The following RCC1 variants were observed in gnomAD, a reference collection of about 807,000 sequenced individuals.
The protein encoded by RCC1 is regulator of chromosome condensation 1.
RCC1 carries 11 observed loss-of-function variants against 44.4 expected under a neutral mutation model. The ratio of observed to expected loss-of-function variants is 0.25; its 90% confidence interval spans 0.16 to 0.41. RCC1 has a LOEUF of 0.41. Among genes scored for constraint, RCC1 ranks in the 10% least tolerant of loss-of-function variants. RCC1 has a pLI of 1.00. For synonymous variants in RCC1, 213 were observed against 216.5 expected (o/e 0.98, Z 0.14); for missense variants, 386 against 547.1 (o/e 0.71, Z 2.94).
chr1:28,514,121 C>A (rs1001471138), intron 3 of RCC1, among the ~76,000 whole-genome samples: 2 of 150,034 alleles, frequency 1.3e-5, no homozygotes, highest in African/African-American at 2.5e-5. Context: ...GAGCTGAGAT[C>A]GTGCCAGCCT....
At chr1:28,517,256 AC>A (rs1662951796) in intron 4 of RCC1, among the ~76,000 whole-genome samples, 1 of 152,296 alleles carries the variant, frequency 6.6e-6, no homozygotes, top group African/African-American at 2.4e-5. Flanking sequence ...GTTTCAGGGA[AC>A]ACCTGAAATC....
chr1:28,509,688 G>A (rs1418583267), intron 3 of RCC1: 1 of 152,188 alleles, frequency 6.6e-6, no homozygotes, highest in Non-Finnish European at 1.5e-5. Flanking sequence ...CCAAGAATCT[G>A]AATGGTACTG....
At chr1:28,526,603 C>G (rs1663677918) in intron 4 of RCC1, 1 of 541,262 alleles carries the variant, frequency 1.8e-6, no homozygotes, top group Non-Finnish European at 3.5e-6. Flanking sequence ...AAGGTGAAAT[C>G]CAAAGGATAG....
chr1:28,530,040 G>A (rs1409997545), intron 5 of RCC1, 101 bp downstream of exon 5: 4 of 914,960 alleles, frequency 4.4e-6, no homozygotes, highest in African/African-American at 3.4e-5. Flanking sequence ...GCTGAAGGGT[G>A]TGGATGTGCA....
At chr1:28,522,961 GAC>G (rs1286114554) in intron 4 of RCC1, among the ~76,000 whole-genome samples, 3 of 150,930 alleles carry the variant, frequency 2.0e-5, no homozygotes, top group African/African-American at 4.9e-5. Context: ...AGGAGGAGGA[GAC>G]ACAGTTCCAG....
intron 5 of RCC1, among the ~76,000 whole-genome samples, chr1:28,531,419 G>T (rs928311271): frequency 2.0e-5 from 3 of 151,514 alleles, no homozygotes; most frequent in Admixed American, 6.6e-5. Context: ...GGCTACTGTT[G>T]GCAAGGCTGG....
intron 3 of RCC1, among the ~76,000 whole-genome samples, chr1:28,511,389 A>AT (rs1173946268): frequency 6.8e-6 from 1 of 146,888 alleles, no homozygotes; most frequent in Non-Finnish European, 1.5e-5. Flanking sequence ...ACAGTATCCA[A>AT]TTTTTTGTTT....
intron 3 of RCC1, among the ~76,000 whole-genome samples, chr1:28,515,710 C>T (rs1176920224): frequency 6.6e-6 from 1 of 151,596 alleles, no homozygotes; most frequent in Admixed American, 6.6e-5. Context: ...GAATGAGACT[C>T]CATCTCAAAA....
intron 4 of RCC1, chr1:28,518,430 C>T (rs964971997): frequency 6.6e-5 from 10 of 151,440 alleles, no homozygotes; most frequent in Non-Finnish European, 1.0e-4. Context: ...CCGTGTCGCG[C>T]GGCGCCGGCC....
intron 3 of RCC1, among the ~76,000 whole-genome samples, chr1:28,511,847 T>C (rs1030485696): frequency 6.6e-6 from 1 of 151,178 alleles, no homozygotes; most frequent in Non-Finnish European, 1.5e-5. Flanking sequence ...CATTTTTTAG[T>C]AGAGACGGGT....
chr1:28,509,356 C>T, intron 3 of RCC1: 1 of 170,802 alleles, frequency 5.9e-6, no homozygotes, highest in South Asian at 1.4e-4. Context: ...ATTCTCCTGC[C>T]TCAGCCTCCC....
At chr1:28,533,803 A>G (rs1664341752) in intron 7 of RCC1, among the ~76,000 whole-genome samples, 1 of 138,650 alleles carries the variant, frequency 7.2e-6, no homozygotes. Context: ...AAAGGAAGTA[A>G]TCAGAATATC....
At chr1:28,511,777 C>T (rs1338051149) in intron 3 of RCC1, among the ~76,000 whole-genome samples, 6 of 151,986 alleles carry the variant, frequency 3.9e-5, no homozygotes, top group African/African-American at 1.2e-4. Context: ...TCTCCCACCT[C>T]AGCCTCCCAA....
intron 9 of RCC1, chr1:28,535,611 T>TCG: frequency 1.3e-6 from 1 of 786,070 alleles, no homozygotes; most frequent in African/African-American, 1.7e-5. Context: ...CTTCATTAGG[T>TCG]TGCTGTGAAG....
chr1:28,507,603 T>A (rs779681512), intron 1 of RCC1: 1 of 212,412 alleles, frequency 4.7e-6, no homozygotes, highest in Non-Finnish European at 9.5e-6. Context: ...TTGAAGTCTT[T>A]TTTTTTTTTT....
intron 7 of RCC1, 124 bp downstream of exon 7, chr1:28,532,474 A>C: frequency 9.4e-7 from 1 of 1,064,094 alleles, no homozygotes; most frequent in Non-Finnish European, 1.4e-6. Context: ...GCCCACAGGT[A>C]GAGCTGAGGC....
chr1:28,509,844 A>C (rs1662368457), intron 3 of RCC1: 1 of 152,190 alleles, frequency 6.6e-6, no homozygotes, highest in South Asian at 2.1e-4. Context: ...GTCTGGGTTG[A>C]GTGCAAGATG....
At chr1:28,521,076 C>T (rs762447) in intron 4 of RCC1, among the ~76,000 whole-genome samples, 2 of 151,742 alleles carry the variant, frequency 1.3e-5, no homozygotes, top group African/African-American at 4.8e-5. Context: ...GAGGCTCCAT[C>T]TCAAAAAGAA....
chr1:28,535,522 C>A, intron 9 of RCC1, 142 bp downstream of exon 9: 1 of 1,349,072 alleles, frequency 7.4e-7, no homozygotes, highest in Non-Finnish European at 1.0e-6. Flanking sequence ...ACAGACTGCT[C>A]TGGTAGTTTT....
Sources: gnomAD v4.1 joint callset for allele counts (sites outside exome capture counted in the v4.1 genomes callset) on GRCh38, gnomAD v4.1.1 for gene constraint, MANE v1.5 for transcripts, NCBI Gene and HGNC (gene_info 2026-07-23, HGNC 2026-07-21) for gene names.